Variants in VSTM4 observed in about 807,000 individuals in gnomAD.
VSTM4 encodes the protein V-set and transmembrane domain-containing protein 4.
Under a neutral mutation model 36.4 loss-of-function variants are expected in VSTM4, and 20 were observed. The observed-to-expected ratio is 0.55, with a 90% CI of 0.39 to 0.80. The LOEUF is 0.80. Ranked by LOEUF, VSTM4 falls within the 30% of genes least tolerant of loss-of-function variation. VSTM4 has a pLI of 0.00. For missense variants in VSTM4, 392 were observed against 404.5 expected, an observed-to-expected ratio of 0.97 and a Z score of 0.26; for synonymous variants, 182 against 173.9, an observed-to-expected ratio of 1.05 and a Z score of -0.37.
At chr10:49,074,618 A>T (rs1407181336) in intron 4 of VSTM4, among the ~76,000 whole-genome samples, 2 of 152,186 alleles carry the variant, frequency 1.3e-5, no homozygotes, top group Admixed American at 1.3e-4. Context: ...GTGAGTTGAA[A>T]GATGCCTGGC....
At chr10:49,051,000 T>C (rs2131963173) in intron 5 of VSTM4, among the ~76,000 whole-genome samples, 1 of 152,242 alleles carries the variant, frequency 6.6e-6, no homozygotes, top group Non-Finnish European at 1.5e-5. Flanking sequence ...ATGATCAACA[T>C]CCTGCACTAG....
At chr10:49,076,018 G>A (rs924197869) in intron 4 of VSTM4, among the ~76,000 whole-genome samples, 1 of 152,156 alleles carries the variant, frequency 6.6e-6, no homozygotes, top group African/African-American at 2.4e-5. Context: ...GTGCATTCCA[G>A]GAACCTCCCC....
At chr10:49,111,831 C>T (rs77793719) in intron 1 of VSTM4, among the ~76,000 whole-genome samples, 6,536 of 152,288 alleles carry the variant, frequency 0.043, 249 homozygotes, top group Non-Finnish European at 0.049. Flanking sequence ...TACAGTGTCA[C>T]ATGCCACAGA....
intron 2 of VSTM4, chr10:49,102,413 C>T (rs972481660): frequency 1.2e-5 from 12 of 985,294 alleles, no homozygotes; most frequent in South Asian, 4.7e-5. Context: ...GGATTACAGG[C>T]GTAAGCCACC....
intron 2 of VSTM4, among the ~76,000 whole-genome samples, chr10:49,099,140 A>G (rs1844623493): frequency 6.6e-6 from 1 of 152,172 alleles, no homozygotes; most frequent in Admixed American, 6.5e-5. Flanking sequence ...CCAGTGTAGT[A>G]CCTACGACAC....
intron 2 of VSTM4, among the ~76,000 whole-genome samples, chr10:49,100,100 G>GT (rs1844641316): frequency 6.6e-6 from 1 of 152,272 alleles, no homozygotes; most frequent in Admixed American, 6.5e-5. Flanking sequence ...AATCCCAGTT[G>GT]TTTTTTTGAT....
intron 3 of VSTM4, among the ~76,000 whole-genome samples, chr10:49,080,749 C>T (rs548509691): frequency 5.5e-4 from 84 of 152,332 alleles, no homozygotes; most frequent in South Asian, 2.1e-3. Context: ...TGGAAAACAT[C>T]CACTCTGTTT....
chr10:49,090,227 T>A (rs529972106), intron 2 of VSTM4, among the ~76,000 whole-genome samples: 1 of 152,234 alleles, frequency 6.6e-6, no homozygotes, highest in South Asian at 2.1e-4. Context: ...GGCTGGAGCC[T>A]TAAGCAAGAG....
chr10:49,084,168 G>A (rs774499820), intron 3 of VSTM4, among the ~76,000 whole-genome samples: 2 of 152,204 alleles, frequency 1.3e-5, no homozygotes, highest in African/African-American at 4.8e-5. Context: ...CACTCTATGA[G>A]AAGTAAAGTC....
intron 4 of VSTM4, among the ~76,000 whole-genome samples, chr10:49,073,831 A>C (rs1464959273): frequency 6.6e-6 from 1 of 152,228 alleles, no homozygotes; most frequent in Non-Finnish European, 1.5e-5. Context: ...AAAAGAGGAA[A>C]CCCATTCATG....
chr10:49,089,361 CAG>C (rs1844431195), intron 2 of VSTM4, among the ~76,000 whole-genome samples: 1 of 152,114 alleles, frequency 6.6e-6, no homozygotes, highest in African/African-American at 2.4e-5. Flanking sequence ...TCCTTTGCCT[CAG>C]GGGGTGACTC....
intron 2 of VSTM4, among the ~76,000 whole-genome samples, chr10:49,104,804 TAGAG>T (rs10572483): frequency 0.17 from 22,094 of 126,654 alleles, 3,000 homozygotes; most frequent in African/African-American, 0.41. Context: ...CACAGAGAGA[TAGAG>T]AGATACAGAG....
intron 7 of VSTM4, among the ~76,000 whole-genome samples, chr10:49,026,626 CCTG>C (rs1217540583): frequency 6.6e-6 from 1 of 152,160 alleles, no homozygotes; most frequent in African/African-American, 2.4e-5. Flanking sequence ...ATGGTGGCAG[CCTG>C]CTGCCTGCTG....
At chr10:49,032,131 C>T (rs527604243) in intron 7 of VSTM4, among the ~76,000 whole-genome samples, 1 of 152,204 alleles carries the variant, frequency 6.6e-6, no homozygotes, top group South Asian at 2.1e-4. Flanking sequence ...ATTTGGTAGC[C>T]TTCTGTCTTC....
intron 5 of VSTM4, among the ~76,000 whole-genome samples, chr10:49,056,242 C>G (rs942455895): frequency 2.0e-5 from 3 of 152,254 alleles, no homozygotes; most frequent in African/African-American, 7.2e-5. Flanking sequence ...TCCCTGCTGG[C>G]TTCATGAAGT....
At chr10:49,066,683 C>T (rs7904272) in intron 4 of VSTM4, among the ~76,000 whole-genome samples, 29,908 of 151,876 alleles carry the variant, frequency 0.2, 4,558 homozygotes, top group African/African-American at 0.41. Flanking sequence ...ATAAATTTTG[C>T]TTTTTATGGC....
At chr10:49,103,945 C>T (rs774497924) in intron 2 of VSTM4, 1 of 1,132,016 alleles carries the variant, frequency 8.8e-7, no homozygotes, top group Non-Finnish European at 1.3e-6. Context: ...CCCCCAAGAG[C>T]TCCTGTTTGA....
chr10:49,048,382 G>T, intron 6 of VSTM4, 96 bp downstream of exon 6: 1 of 1,098,732 alleles, frequency 9.1e-7, no homozygotes, highest in Non-Finnish European at 1.3e-6. Context: ...TTCCCCATCT[G>T]CCTACGCTCC....
chr10:49,101,294 C>T (rs946349805), intron 2 of VSTM4, among the ~76,000 whole-genome samples: 15 of 151,628 alleles, frequency 9.9e-5, no homozygotes, highest in African/African-American at 3.2e-4. Flanking sequence ...ATATAAACAA[C>T]GTGGAAAGAA....
Sources: allele counts gnomAD v4.1 joint callset (sites outside exome capture counted in the v4.1 genomes callset), GRCh38; gene constraint gnomAD v4.1.1; transcripts MANE v1.5; gene names NCBI Gene and HGNC (gene_info 2026-07-23, HGNC 2026-07-21).